KATNIP: variants seen among roughly 807,000 people sequenced by gnomAD.
KATNIP encodes katanin-interacting protein.
KATNIP carries 126 observed loss-of-function variants against 174.0 expected under a neutral mutation model. The ratio of observed to expected loss-of-function variants is 0.72; its 90% CI spans 0.63 to 0.84. The LOEUF is 0.84. Among genes scored for constraint, KATNIP ranks in the 40% least tolerant of loss-of-function variants. KATNIP has a pLI of 0.00. For missense variants in KATNIP, 1,958 were observed against 2,109.7 expected (o/e 0.93, Z 1.41); for synonymous variants, 810 against 835.7 (o/e 0.97, Z 0.53).
Position 27,607,297 on chromosome 16 carries a change from G to A in KATNIP, c.64-11128G>A, listed in dbSNP as rs1271184620. On this transcript the variant is annotated intron_variant, in intron 2 of 27. Transcript: ENST00000261588. ...AGGTTGTCTGCTATCTCCACTTAGAGGCTCTGAGACCTTCAGACAATTTGC... is the reference window on the plus strand; with the variant it reads ...AGGTTGTCTGCTATCTCCACTTAGAAGCTCTGAGACCTTCAGACAATTTGC... 3.3e-5 allele frequency among the ~76,000 whole-genome samples: 5 copies of A among 152,274 alleles called. No homozygotes were observed. In the South Asian group the frequency reaches 8.3e-4, roughly 25 times the overall value.
At chr16:27,734,395 T>TAA (rs34449454) in intron 14 of KATNIP, among the ~76,000 whole-genome samples, 81 of 113,774 alleles carry the variant, frequency 7.1e-4, no homozygotes, top group African/African-American at 1.5e-3. Context: ...GGGACTTATT[T>TAA]AAAAAAAAAA....
At chr16:27,752,510 G>A (rs185424786) in intron 17 of KATNIP, among the ~76,000 whole-genome samples, 12 of 152,346 alleles carry the variant, frequency 7.9e-5, no homozygotes, top group Admixed American at 6.5e-4. Context: ...ACTTGAATGC[G>A]TGATTCCACA....
chr16:27,633,138 C>A (rs775327480), intron 5 of KATNIP, among the ~76,000 whole-genome samples: 48 of 152,256 alleles, frequency 3.2e-4, no homozygotes, highest in Admixed American at 1.8e-3. Context: ...TGTCTGGCCT[C>A]CCGTCCCATC....
intron 5 of KATNIP, among the ~76,000 whole-genome samples, chr16:27,639,032 G>A (rs2076720840): frequency 6.6e-6 from 1 of 151,828 alleles, no homozygotes; most frequent in South Asian, 2.1e-4. Context: ...TCCATTCACC[G>A]CCTCCAGGAG....
At chr16:27,590,025 T>G (rs1207638870) in intron 2 of KATNIP, among the ~76,000 whole-genome samples, 1 of 152,092 alleles carries the variant, frequency 6.6e-6, no homozygotes, top group Non-Finnish European at 1.5e-5. Context: ...ACTAAATCTT[T>G]TATTTGTGAT....
At chr16:27,565,118 G>A (rs977066945) in intron 1 of KATNIP, among the ~76,000 whole-genome samples, 1 of 151,464 alleles carries the variant, frequency 6.6e-6, no homozygotes, top group African/African-American at 2.4e-5. Flanking sequence ...TGTTGTTTTA[G>A]TGGGATGTCC....
At chr16:27,563,755 G>A (rs981588879) in intron 1 of KATNIP, among the ~76,000 whole-genome samples, 1 of 151,902 alleles carries the variant, frequency 6.6e-6, no homozygotes, top group Non-Finnish European at 1.5e-5. Flanking sequence ...CTAGGTGGCT[G>A]TTGAAAAAGT....
intron 22 of KATNIP, 45 bp downstream of exon 22, chr16:27,771,697 G>T: frequency 6.3e-7 from 1 of 1,597,626 alleles, no homozygotes; most frequent in Non-Finnish European, 8.6e-7. Context: ...GGGCCCCGAG[G>T]CAGCGCCTGG....
Position 27,750,053 on chromosome 16 carries a change from C to G in KATNIP, c.3093C>G (p.Val1031=), listed in dbSNP as rs1375195252. Residue 1031 remains valine, a synonymous_variant, in exon 16 of 28, where the codon GTC becomes GTG. Coordinates refer to ENST00000261588, the MANE Select transcript of KATNIP (RefSeq NM_015202.5). ...LPAYGKDPRV[V]TNLIDGVNRT... ...CCTATGGGAAAGACCCCCGCGTGGT[C>G]ACCAACCTCATCGACGGGGTGAACA... is the stretch of plus-strand genomic sequence containing the variant. 3 of 1,614,104 alleles carry G rather than the reference C, an allele frequency of 1.9e-6. No individual in the cohort carries two copies. In the African/African-American group the frequency reaches 4.0e-5, roughly 22 times the overall value.
intron 14 of KATNIP, among the ~76,000 whole-genome samples, chr16:27,736,098 G>GT: frequency 6.6e-6 from 1 of 152,306 alleles, no homozygotes; most frequent in Middle Eastern, 3.4e-3. Context: ...CCCCTCCCAG[G>GT]TTCAAGTGAT....
At chr16:27,778,070 C>A in intron 27 of KATNIP, 101 bp downstream of exon 27, 1 of 1,002,156 alleles carries the variant, frequency 1.0e-6, no homozygotes, top group Admixed American at 2.0e-5. Context: ...CCCTGCCTGC[C>A]CCTAGACCGC....
At chr16:27,687,682 T>C (rs1341875198) in intron 8 of KATNIP, among the ~76,000 whole-genome samples, 2 of 152,210 alleles carry the variant, frequency 1.3e-5, no homozygotes, top group Non-Finnish European at 2.9e-5. Context: ...AGAACATTAG[T>C]CTTTAATGCA....
At position 27,770,031 on chromosome 16, in the gene KATNIP, T is replaced by C; in HGVS notation, c.4133+13T>C. 3 of 1,610,496 alleles carry C rather than the reference T, an allele frequency of 1.9e-6. No individual in the cohort carries two copies. Among genetic ancestry groups the C allele is most frequent in the Non-Finnish European group, 2.5e-6 (3 of 1,177,040 alleles). ...AGCCGGCCAGGAGGTGAGGAGAAAG[T>C]GGGCGCCACACACAGCCCCTCCCGG... On this transcript the variant is annotated intron_variant, in intron 21 of 27. Coordinates refer to ENST00000261588, the MANE Select transcript of KATNIP (RefSeq NM_015202.5).
At chr16:27,610,320 T>C (rs141052541) in intron 2 of KATNIP, among the ~76,000 whole-genome samples, 6 of 152,252 alleles carry the variant, frequency 3.9e-5, no homozygotes, top group African/African-American at 1.4e-4. Context: ...AGTTTTCATA[T>C]GGAGCTGACG....
At chr16:27,622,356 C>A (rs144912250) in intron 3 of KATNIP, among the ~76,000 whole-genome samples, 2,404 of 152,260 alleles carry the variant, frequency 0.016, 23 homozygotes, top group Middle Eastern at 0.037. Flanking sequence ...GACAGCCTTG[C>A]CTCACTCCTG....
At chr16:27,755,296 A>G (rs968449944) in intron 18 of KATNIP, 1 of 152,266 alleles carries the variant, frequency 6.6e-6, no homozygotes, top group Non-Finnish European at 1.5e-5. Context: ...GCACCTGTGC[A>G]AGCCACACCT....
chr16:27,716,199 A>G (rs1217575940), intron 13 of KATNIP, among the ~76,000 whole-genome samples: 2 of 152,228 alleles, frequency 1.3e-5, no homozygotes, highest in Non-Finnish European at 2.9e-5. Flanking sequence ...AGCCAGACAC[A>G]GAAGGCTATA....
chr16:27,678,113 G>A, intron 7 of KATNIP, 117 bp downstream of exon 7: 2 of 1,169,590 alleles, frequency 1.7e-6, no homozygotes, highest in Non-Finnish European at 2.4e-6. Flanking sequence ...TCACAGGCCA[G>A]GGAGGTATAT....
At chr16:27,572,134 G>C (rs1031531314) in intron 1 of KATNIP, among the ~76,000 whole-genome samples, 1 of 151,930 alleles carries the variant, frequency 6.6e-6, no homozygotes, top group Non-Finnish European at 1.5e-5. Context: ...CCCCACACTG[G>C]GCTGGGTGTG....
Sources: gnomAD v4.1 joint callset for allele counts (sites outside exome capture counted in the v4.1 genomes callset) on GRCh38, gnomAD v4.1.1 for gene constraint, MANE v1.5 for transcripts, NCBI Gene and HGNC (gene_info 2026-07-23, HGNC 2026-07-21) for gene names.